Variants in PPP2R2C observed in about 807,000 individuals in gnomAD.
PPP2R2C encodes the protein protein phosphatase 2, regulatory subunit B, gamma.
Under a neutral mutation model 45.3 loss-of-function variants are expected in PPP2R2C, and 10 were observed. The observed-to-expected ratio is 0.22, with a 90% CI of 0.14 to 0.37. The LOEUF (loss-of-function observed/expected upper bound fraction) is 0.37. Among genes scored for constraint, PPP2R2C ranks in the 10% least tolerant of loss-of-function variants. PPP2R2C has a pLI of 1.00. For synonymous variants in PPP2R2C, 257 were observed against 245.4 expected, an observed-to-expected ratio of 1.05 and a Z score of -0.44; for missense variants, 308 against 619.7, an observed-to-expected ratio of 0.50 and a Z score of 5.34.
At chr4:6,449,239 A>G (rs1475841785) in intron 1 of PPP2R2C, among the ~76,000 whole-genome samples, 1 of 152,214 alleles carries the variant, frequency 6.6e-6, no homozygotes, top group Non-Finnish European at 1.5e-5. Context: ...GGAAAAAAAC[A>G]AAACTAGACA....
At chr4:6,458,990 T>C (rs1421106839) in intron 1 of PPP2R2C, among the ~76,000 whole-genome samples, 2 of 152,192 alleles carry the variant, frequency 1.3e-5, no homozygotes, top group East Asian at 3.8e-4. Flanking sequence ...TCTAGACAAG[T>C]AGCCTGAGAA....
intron 5 of PPP2R2C, among the ~76,000 whole-genome samples, chr4:6,356,498 T>A (rs1396825527): frequency 6.6e-6 from 1 of 152,178 alleles, no homozygotes; most frequent in Non-Finnish European, 1.5e-5. Flanking sequence ...CCCCTGACCA[T>A]CTGGGGGTGG....
intron 2 of PPP2R2C, among the ~76,000 whole-genome samples, chr4:6,517,043 C>T (rs772768605): frequency 6.6e-6 from 1 of 152,216 alleles, no homozygotes. Flanking sequence ...GTTCCTCCCA[C>T]GCCCACACTC....
intron 4 of PPP2R2C, among the ~76,000 whole-genome samples, chr4:6,375,337 T>G (rs1375164663): frequency 6.6e-6 from 1 of 152,222 alleles, no homozygotes; most frequent in Admixed American, 6.5e-5. Context: ...TTTCAGGGTA[T>G]GTCTGTTTCA....
intron 1 of PPP2R2C, among the ~76,000 whole-genome samples, chr4:6,410,495 G>C (rs1021029318): frequency 6.6e-6 from 1 of 152,136 alleles, no homozygotes; most frequent in Non-Finnish European, 1.5e-5. Flanking sequence ...ATTTCAGTTC[G>C]GATTTAGGTG....
At chr4:6,426,546 C>G (rs1330091465) in intron 1 of PPP2R2C, among the ~76,000 whole-genome samples, 1 of 152,216 alleles carries the variant, frequency 6.6e-6, no homozygotes, top group African/African-American at 2.4e-5. Flanking sequence ...GATATTTACA[C>G]CTGCATGGCA....
chr4:6,493,194 G>C (rs1199431114), intron 2 of PPP2R2C, among the ~76,000 whole-genome samples: 1 of 151,978 alleles, frequency 6.6e-6, no homozygotes, highest in East Asian at 1.9e-4. Flanking sequence ...ATTGCAACCA[G>C]CACGCCTGCC....
intron 1 of PPP2R2C, among the ~76,000 whole-genome samples, chr4:6,440,401 CAG>C (rs1318091216): frequency 2.0e-5 from 3 of 152,226 alleles, no homozygotes; most frequent in Non-Finnish European, 4.4e-5. Flanking sequence ...AAACCAGAAA[CAG>C]GGAAACTCAG....
intron 1 of PPP2R2C, among the ~76,000 whole-genome samples, chr4:6,433,559 T>C (rs1443954582): frequency 6.6e-6 from 1 of 152,178 alleles, no homozygotes; most frequent in Non-Finnish European, 1.5e-5. Context: ...CTGTGCCCTT[T>C]ACTGCCTGGC....
rs1712152439 is a variant in PPP2R2C, at chr4:6,347,895, C to A, written c.741G>T (p.Leu247=). The A allele has an allele frequency of 3.1e-6, 5 of 1,613,928 alleles. No homozygotes were observed. In the African/African-American group the frequency reaches 5.3e-5, roughly 17 times the overall value. ...LFVYSSSKGS[L]RLCDMRAAAL... is the part of the protein sequence containing the mutation. Reference sequence around the variant, plus strand: ...CAGCTGCCCGCATGTCGCAGAGCCGCAGGGAGCCCTTGCTGCTGCTGTAGA... The same window carrying A: ...CAGCTGCCCGCATGTCGCAGAGCCGAAGGGAGCCCTTGCTGCTGCTGTAGA... The change falls in exon 6 of 9, where the codon CTG becomes CTT. Residue 247 remains leucine, a synonymous_variant. Transcript: ENST00000382599.
chr4:6,429,092 CATGCCATGTGTAG>C (rs1560541420), intron 1 of PPP2R2C, among the ~76,000 whole-genome samples: 2 of 1,182 alleles, frequency 1.7e-3, no homozygotes, highest in African/African-American at 3.9e-3. Context: ...TGTGTAGATA[CATGCCATGTGTAG>C]ATACATGGGC....
chr4:6,355,394 G>A lies in PPP2R2C; in HGVS notation c.626-7384C>T, dbSNP rs546949911. Among the ~76,000 whole-genome samples the A allele has an allele frequency of 1.6e-4, 25 of 152,218 alleles. No homozygotes were observed. In the South Asian group the frequency reaches 5.0e-3, roughly 30 times the overall value. ...ATTGTTCAACTCCCGGGGAGGGATA[G>A]CATTGGGAGATAGACCTAATGCTAG... On this transcript the variant is annotated intron_variant, in intron 5 of 8. Transcript: ENST00000382599.
chr4:6,329,586 A>T lies in PPP2R2C; in HGVS notation c.961-233T>A, dbSNP rs1223631748. 7.6e-6 allele frequency among the ~76,000 whole-genome samples: 1 copy of T among 131,936 alleles called. No homozygotes were observed. 86.6% of individuals were successfully genotyped at this position (131,936 alleles called of 152,430 possible). ...CTGACCCCGACCGTGACACAGCCCA[A>T]TACAGCCCTGCTCATCTTATCGGGG... On this transcript the variant is annotated intron_variant, in intron 7 of 8. Coordinates refer to ENST00000382599, the MANE Select transcript of PPP2R2C (RefSeq NM_020416.4). The surrounding 1 kb of genome is among the most constrained non-coding windows in gnomAD (Gnocchi z 5.8).
chr4:6,431,400 G>C (rs1424167148), intron 1 of PPP2R2C, among the ~76,000 whole-genome samples: 1 of 152,246 alleles, frequency 6.6e-6, no homozygotes, highest in Non-Finnish European at 1.5e-5. Context: ...ATCAGGGGCA[G>C]GCCCCAGGTT....
chr4:6,421,158 T>C (rs1718933548), intron 1 of PPP2R2C: 1 of 983,150 alleles, frequency 1.0e-6, no homozygotes, highest in African/African-American at 1.7e-5. Flanking sequence ...ACACACCACT[T>C]CCTGGTTAGC....
chr4:6,371,595 CG>C (rs368129310), intron 5 of PPP2R2C, among the ~76,000 whole-genome samples: 125 of 152,220 alleles, frequency 8.2e-4, no homozygotes, highest in African/African-American at 2.5e-3. Context: ...AGGTTAGAAG[CG>C]GGGACTCTGG....
chr4:6,529,336 T>A (rs1473671372), intron 2 of PPP2R2C, among the ~76,000 whole-genome samples: 3 of 152,230 alleles, frequency 2.0e-5, no homozygotes, highest in African/African-American at 7.2e-5. Context: ...CCTGCAGCCC[T>A]GGCCTCTCCT....
intron 1 of PPP2R2C, among the ~76,000 whole-genome samples, chr4:6,406,574 C>A (rs1717807545): frequency 6.7e-6 from 1 of 149,196 alleles, no homozygotes; most frequent in Admixed American, 6.7e-5. Flanking sequence ...TGGATGAAAA[C>A]CCTGTCTCTA....
chr4:6,372,278 G>C (rs555570231), intron 5 of PPP2R2C, among the ~76,000 whole-genome samples: 20 of 152,336 alleles, frequency 1.3e-4, no homozygotes, highest in Admixed American at 1.1e-3. Flanking sequence ...GGGGATCATG[G>C]CCATGCTGGA....
Sources: allele counts gnomAD v4.1 joint callset (sites outside exome capture counted in the v4.1 genomes callset), GRCh38; gene constraint gnomAD v4.1.1; non-coding constraint Gnocchi (gnomAD v3.1); transcripts MANE v1.5; gene names NCBI Gene and HGNC (gene_info 2026-07-23, HGNC 2026-07-21).